The following SLC37A1 variants were observed in gnomAD, a reference collection of about 807,000 sequenced individuals.
The protein encoded by SLC37A1 is glucose-6-phosphate exchanger SLC37A1.
SLC37A1 carries 49 observed loss-of-function variants against 75.3 expected under a neutral mutation model. The observed-to-expected ratio is 0.65, with a 90% CI of 0.52 to 0.83. The LOEUF (loss-of-function observed/expected upper bound fraction) is 0.83, where lower values mean the gene tolerates loss of function less well. Ranked by LOEUF, SLC37A1 falls within the 40% of genes least tolerant of loss-of-function variation. The pLI, the probability that SLC37A1 is intolerant of heterozygous loss-of-function variation, is 0.00. For synonymous variants in SLC37A1, 268 were observed against 292.1 expected, an observed-to-expected ratio of 0.92 and a Z score of 0.84; for missense variants, 566 against 695.0, an observed-to-expected ratio of 0.81 and a Z score of 2.09.
At chr21:42,573,733 T>C (rs1302674061) in intron 17 of SLC37A1, among the ~76,000 whole-genome samples, 3 of 152,088 alleles carry the variant, frequency 2.0e-5, no homozygotes, top group Non-Finnish European at 4.4e-5. Flanking sequence ...GAGTTGAATA[T>C]GTCAGTTCAT....
chr21:42,517,692 T>C (rs2054549651), intron 1 of SLC37A1, among the ~76,000 whole-genome samples: 2 of 152,200 alleles, frequency 1.3e-5, no homozygotes, highest in Non-Finnish European at 1.5e-5. Flanking sequence ...CAGCCCTGAC[T>C]TCATAATCAG....
At chr21:42,507,764 C>T (rs1343399096) in intron 2 of SLC37A1, among the ~76,000 whole-genome samples, 2 of 152,072 alleles carry the variant, frequency 1.3e-5, no homozygotes, top group Non-Finnish European at 2.9e-5. Flanking sequence ...TGCCAGGCTC[C>T]TTCTAATCAG....
In SLC37A1 at chr21:42,580,467, C is replaced by T; in HGVS notation, c.*107C>T. On this transcript the variant is annotated 3_prime_UTR_variant, in exon 20 of 20. Transcript: ENST00000352133. ...GCATGGAAAGAGTGACCTCCCTTTG[C>T]CTTTTGCACACGCACCTGGAAAAGA... The T allele has an allele frequency of 7.9e-7, 1 of 1,263,526 alleles. No individual in the cohort carries two copies. Among genetic ancestry groups the T allele is most frequent in the Non-Finnish European group, 1.1e-6 (1 of 909,656 alleles). 78.3% of individuals were successfully genotyped at this position (1,263,526 alleles called of 1,614,324 possible).
chr21:42,564,990 C>T (rs1241180936), intron 14 of SLC37A1, among the ~76,000 whole-genome samples, 197 bp downstream of exon 14: 1 of 152,284 alleles, frequency 6.6e-6, no homozygotes, highest in African/African-American at 2.4e-5. Flanking sequence ...GCCACGTGCA[C>T]AGCTGCTGCT....
Position 42,579,811 on chromosome 21 carries a change from CTCGGGCCCTGTCTCCG to C in SLC37A1, c.1586+13_1586+28del. ...GGGGGACCAAGTTCCGTAAGTCCCA[CTCGGGCCCTGTCTCCG>C]TGCGTGAAAGCCGGCTCCAAAGTGC... On this transcript the variant is annotated intron_variant, in intron 19 of 19. Transcript: ENST00000352133. 2 of 1,613,876 alleles carry C rather than the reference CTCGGGCCCTGTCTCCG, an allele frequency of 1.2e-6. No individual in the cohort carries two copies.
chr21:42,534,521 T>C (rs2055081976), intron 3 of SLC37A1, among the ~76,000 whole-genome samples, 177 bp from the exon 4 acceptor site: 1 of 152,200 alleles, frequency 6.6e-6, no homozygotes, highest in South Asian at 2.1e-4. Context: ...GCAGGCATTC[T>C]TGTGGGTCCT....
At chr21:42,543,881 A>G (rs1423767411) in intron 8 of SLC37A1, among the ~76,000 whole-genome samples, 2 of 152,274 alleles carry the variant, frequency 1.3e-5, no homozygotes, top group South Asian at 2.1e-4. Context: ...GAGTTCATGC[A>G]TGGGAGTCTT....
At chr21:42,566,211 A>G (rs952085617) in intron 15 of SLC37A1, among the ~76,000 whole-genome samples, 5 of 152,198 alleles carry the variant, frequency 3.3e-5, no homozygotes, top group Non-Finnish European at 4.4e-5. Flanking sequence ...GCGGGGCTGC[A>G]GCAGCCTGCG....
intron 17 of SLC37A1, among the ~76,000 whole-genome samples, chr21:42,568,929 C>T (rs2056051979): frequency 1.3e-5 from 2 of 152,256 alleles, no homozygotes; most frequent in South Asian, 4.1e-4. Flanking sequence ...TGGCAGAGTG[C>T]CAGTCTCCTC....
Position 42,564,859 on chromosome 21 carries a change from G to A in SLC37A1, c.1221+66G>A, listed in dbSNP as rs191191782. 1.3e-4 allele frequency: 183 copies of A among 1,453,528 alleles called. 1 individual carries two copies. In the African/African-American group the frequency reaches 2.3e-3, roughly 18 times the overall value. The allele number at this position is 1,453,528 out of a possible 1,614,324, so 90.0% of individuals were successfully genotyped here. ...CAGTCCCCCACTGTCCTCCTCGCCA[G>A]CCAGCATCCTTCCATCTGGCCCGTG... On this transcript the variant is annotated intron_variant, in intron 14 of 19. Transcript: ENST00000352133.
chr21:42,525,765 T>G lies in SLC37A1; in HGVS notation c.57-11T>G, dbSNP rs908982920. The G allele has an allele frequency of 4.4e-6, 7 of 1,605,338 alleles. No homozygotes were observed. Among genetic ancestry groups the G allele is most frequent in the Non-Finnish European group, 5.1e-6 (6 of 1,172,154 alleles). On this transcript the variant is annotated splice_polypyrimidine_tract_variant and intron_variant, in intron 2 of 19. Coordinates refer to ENST00000352133, the MANE Select transcript of SLC37A1 (RefSeq NM_001320537.2). ...TTTCATATCATCCTCTCCCACTGTT[T>G]TGTGTTTCAGGTACAGAGCCTTCAT...
Position 42,547,005 on chromosome 21 carries a change from C to A in SLC37A1, c.731-98C>A. ...TCCTGCATACAGTCCAGTTTCACACCCGGTGCTCCCGTGTTGCCCTGTCCT... is the reference window on the plus strand; with the variant it reads ...TCCTGCATACAGTCCAGTTTCACACACGGTGCTCCCGTGTTGCCCTGTCCT... On this transcript the variant is annotated intron_variant, in intron 8 of 19. Coordinates refer to ENST00000352133, the MANE Select transcript of SLC37A1 (RefSeq NM_001320537.2). This position sits in a 1 kb window ranked among gnomAD's most constrained non-coding sequence, Gnocchi z 6.1. 1 of 1,416,484 alleles carries A rather than the reference C, an allele frequency of 7.1e-7. No homozygotes were observed. Among genetic ancestry groups the A allele is most frequent in the Non-Finnish European group, 1.0e-6 (1 of 1,003,344 alleles). 87.7% of individuals were successfully genotyped at this position (1,416,484 alleles called of 1,614,324 possible).
At chr21:42,522,926 C>T (rs1469105932) in intron 2 of SLC37A1, among the ~76,000 whole-genome samples, 3 of 152,238 alleles carry the variant, frequency 2.0e-5, no homozygotes, top group Non-Finnish European at 2.9e-5. Context: ...GGAGTCACCC[C>T]GCAGAGGAAG....
At chr21:42,553,280 T>A (rs1243847851) in intron 9 of SLC37A1, among the ~76,000 whole-genome samples, 1 of 152,256 alleles carries the variant, frequency 6.6e-6, no homozygotes. Context: ...TGTTTTGTTA[T>A]CATTTATACT....
intron 17 of SLC37A1, among the ~76,000 whole-genome samples, chr21:42,568,712 A>G (rs2056045601): frequency 6.6e-6 from 1 of 152,228 alleles, no homozygotes; most frequent in Non-Finnish European, 1.5e-5. Context: ...GGGCTAACTC[A>G]GGTCCACTCA....
At chr21:42,524,948 G>A (rs570614041) in intron 2 of SLC37A1, among the ~76,000 whole-genome samples, 1 of 152,310 alleles carries the variant, frequency 6.6e-6, no homozygotes, top group African/African-American at 2.4e-5. Context: ...GACTCCACCC[G>A]TGGACCTCTG....
In SLC37A1 at chr21:42,547,052, C is replaced by T; in HGVS notation, c.731-51C>T. On this transcript the variant is annotated intron_variant, in intron 8 of 19. Coordinates refer to ENST00000352133, the MANE Select transcript of SLC37A1 (RefSeq NM_001320537.2). The surrounding 1 kb of genome is among the most constrained non-coding windows in gnomAD (Gnocchi z 6.1). ...TCCTCGGGTTACGTAGCTTACTTGG[C>T]ATTGCCATGGTGGTGGACCTGCTCA... 1.9e-6 allele frequency: 3 copies of T among 1,612,984 alleles called. No homozygotes were observed. The highest frequency in any genetic ancestry group is 2.5e-6 in the Non-Finnish European group (3 of 1,178,994).
exon 2 of SLC37A1, chr21:42,502,300 A>G (rs1179193399): frequency 6.6e-6 from 1 of 152,138 alleles, no homozygotes; most frequent in Non-Finnish European, 1.5e-5. Context: ...TTGCAGCTTT[A>G]TAGAATTGAG....
chr21:42,516,255 G>T (rs2054519747), intron 1 of SLC37A1, among the ~76,000 whole-genome samples: 1 of 152,236 alleles, frequency 6.6e-6, no homozygotes, highest in Non-Finnish European at 1.5e-5. Context: ...TTCTCTGCAG[G>T]GGATGGGCAG....
Sources: allele counts gnomAD v4.1 joint callset (sites outside exome capture counted in the v4.1 genomes callset), GRCh38; gene constraint gnomAD v4.1.1; non-coding constraint Gnocchi (gnomAD v3.1); transcripts MANE v1.5; gene names NCBI Gene and HGNC (gene_info 2026-07-23, HGNC 2026-07-21).